The following TENM3 variants were observed in gnomAD, a reference collection of about 807,000 sequenced individuals.
TENM3 encodes teneurin transmembrane protein 3, also known as teneurin-3.
Under a neutral mutation model 255.1 loss-of-function variants are expected in TENM3, and 63 were observed. The ratio of observed to expected loss-of-function variants is 0.25; its 90% confidence interval spans 0.20 to 0.30. The LOEUF (loss-of-function observed/expected upper bound fraction) is 0.30, where lower values mean the gene tolerates loss of function less well. Among genes scored for constraint, TENM3 ranks in the 10% least tolerant of loss-of-function variants. The pLI is 1.00. For missense variants in TENM3, 2,929 were observed against 3,461.1 expected (o/e 0.85, Z 3.86); for synonymous variants, 1,306 against 1,322.3 (o/e 0.99, Z 0.27).
At chr4:181,530,325 T>C in the TENM3 span, among the ~76,000 whole-genome samples, 1 of 152,214 alleles carries the variant, frequency 6.6e-6, no homozygotes, top group Non-Finnish European at 1.5e-5. Flanking sequence ...TTTCAAGTAA[T>C]GATCTTAGGA....
At chr4:182,065,312 G>A in the TENM3 span, among the ~76,000 whole-genome samples, 1 of 152,196 alleles carries the variant, frequency 6.6e-6, no homozygotes, top group Non-Finnish European at 1.5e-5. Flanking sequence ...TGGGATTACA[G>A]GCGTGAGCCA....
intron 19 of TENM3, among the ~76,000 whole-genome samples, chr4:182,747,475 T>C (rs1480841535): frequency 6.6e-6 from 1 of 152,214 alleles, no homozygotes; most frequent in Middle Eastern, 3.2e-3. Flanking sequence ...GCTACAATTC[T>C]TTAAAAATGT....
the TENM3 span, among the ~76,000 whole-genome samples, chr4:181,893,486 T>TTCCCCCCCC: frequency 2.6e-4 from 3 of 11,362 alleles, no homozygotes; most frequent in Non-Finnish European, 7.0e-4. Context: ...CACTTTCCCC[T>TTCCCCCCCC]GCCCACCCCC....
At chr4:182,656,223 T>C (rs1753732658) in intron 6 of TENM3, among the ~76,000 whole-genome samples, 1 of 152,182 alleles carries the variant, frequency 6.6e-6, no homozygotes, top group African/African-American at 2.4e-5. Flanking sequence ...AACTGCCAAC[T>C]GGACTAGGGG....
At chr4:181,945,522 G>T in the TENM3 span, among the ~76,000 whole-genome samples, 2 of 151,910 alleles carry the variant, frequency 1.3e-5, no homozygotes, top group African/African-American at 4.8e-5. Flanking sequence ...TTTTAGTTCC[G>T]ATTGCCTGCC....
the TENM3 span, among the ~76,000 whole-genome samples, chr4:182,071,741 C>T: frequency 3.3e-5 from 5 of 152,118 alleles, no homozygotes; most frequent in African/African-American, 9.7e-5. Context: ...GAATTGTTCT[C>T]TCCTAGCTAT....
chr4:181,869,176 T>C, the TENM3 span, among the ~76,000 whole-genome samples: 1 of 152,178 alleles, frequency 6.6e-6, no homozygotes, highest in Non-Finnish European at 1.5e-5. Flanking sequence ...AATCACAGTG[T>C]GATATTTTAT....
chr4:182,056,884 T>C, the TENM3 span, among the ~76,000 whole-genome samples: 1 of 151,920 alleles, frequency 6.6e-6, no homozygotes. Context: ...AAGTTTGGAG[T>C]TAGGGGTCCT....
intron 12 of TENM3, among the ~76,000 whole-genome samples, chr4:182,703,015 C>T (rs1758010280): frequency 1.3e-5 from 2 of 152,184 alleles, no homozygotes. Flanking sequence ...GGATTACAGG[C>T]GTGAGCCACC....
chr4:182,719,930 A>G (rs1373205224), intron 13 of TENM3, among the ~76,000 whole-genome samples: 1 of 151,952 alleles, frequency 6.6e-6, no homozygotes, highest in African/African-American at 2.4e-5. Context: ...GCGTGGTGGC[A>G]CACGCCTGTA....
the TENM3 span, among the ~76,000 whole-genome samples, chr4:181,534,219 G>C: frequency 7.1e-6 from 1 of 140,738 alleles, no homozygotes; most frequent in East Asian, 2.1e-4. Flanking sequence ...AACAGAGCAA[G>C]ACTGAGACTC....
chr4:182,100,500 C>T, the TENM3 span, among the ~76,000 whole-genome samples: 1 of 138,158 alleles, frequency 7.2e-6, no homozygotes, highest in South Asian at 2.3e-4. Context: ...TATATACACA[C>T]ACACACATAT....
chr4:182,762,088 ATGT>A (rs1204454277), intron 22 of TENM3, among the ~76,000 whole-genome samples: 1 of 152,248 alleles, frequency 6.6e-6, no homozygotes, highest in Non-Finnish European at 1.5e-5. Context: ...GGGAAAGAGT[ATGT>A]TGTTCAGATT....
At chr4:182,540,680 G>T (rs565330206) in intron 3 of TENM3, among the ~76,000 whole-genome samples, 1 of 152,102 alleles carries the variant, frequency 6.6e-6, no homozygotes, top group South Asian at 2.1e-4. Context: ...TGGTGTCAGC[G>T]GTGTTGAGTA....
At chr4:182,646,426 C>T (rs769952401) in intron 5 of TENM3, among the ~76,000 whole-genome samples, 17 of 152,068 alleles carry the variant, frequency 1.1e-4, no homozygotes, top group East Asian at 1.9e-4. Flanking sequence ...AATATTGGCA[C>T]GAGGCTACTG....
the TENM3 span, among the ~76,000 whole-genome samples, chr4:181,608,119 T>A: frequency 6.6e-6 from 1 of 152,200 alleles, no homozygotes; most frequent in African/African-American, 2.4e-5. Flanking sequence ...TATTTAGATT[T>A]TACAAACTCT....
chr4:181,688,257 A>T, the TENM3 span, among the ~76,000 whole-genome samples: 1 of 152,154 alleles, frequency 6.6e-6, no homozygotes, highest in Non-Finnish European at 1.5e-5. Flanking sequence ...AAAATTGAGC[A>T]TGGTTAAAAA....
the TENM3 span, among the ~76,000 whole-genome samples, chr4:181,958,156 T>A: frequency 1.3e-5 from 2 of 152,352 alleles, no homozygotes; most frequent in East Asian, 3.9e-4. Context: ...ATGGGAATTT[T>A]AAAATGAAGA....
chr4:181,999,721 C>A, the TENM3 span, among the ~76,000 whole-genome samples: 1 of 152,094 alleles, frequency 6.6e-6, no homozygotes, highest in African/African-American at 2.4e-5. Flanking sequence ...TACAGCCCAT[C>A]CATAAGTTTC....
Sources: gnomAD v4.1 joint callset for allele counts (sites outside exome capture counted in the v4.1 genomes callset) on GRCh38, gnomAD v4.1.1 for gene constraint, MANE v1.5 for transcripts, NCBI Gene and HGNC (gene_info 2026-07-23, HGNC 2026-07-21) for gene names.